Variants in STRBP observed in about 807,000 individuals in gnomAD.
The protein encoded by STRBP is spermatid perinuclear RNA binding protein, also known as spermatid perinuclear RNA-binding protein.
A neutral mutation model predicts 80.1 loss-of-function variants in STRBP; 13 were observed. The observed-to-expected ratio is 0.16, with a 90% CI of 0.11 to 0.26. STRBP has a LOEUF of 0.26. Among genes scored for constraint, STRBP ranks in the 10% least tolerant of loss-of-function variants. The probability of loss-of-function intolerance (pLI) is 1.00; values close to 1 mark genes in which losing one functional copy is unlikely to be tolerated. For synonymous variants in STRBP, 284 were observed against 291.2 expected, an observed-to-expected ratio of 0.98 and a Z score of 0.25; for missense variants, 485 against 815.2, an observed-to-expected ratio of 0.59 and a Z score of 4.93.
intron 1 of STRBP, among the ~76,000 whole-genome samples, chr9:123,251,083 G>A (rs1470648464): frequency 3.9e-5 from 6 of 152,160 alleles, no homozygotes; most frequent in Admixed American, 2.0e-4. Context: ...AGCCATGATC[G>A]TACCACTGCA....
intron 2 of STRBP, among the ~76,000 whole-genome samples, chr9:123,231,943 C>G (rs919529360): frequency 2.6e-5 from 4 of 152,184 alleles, no homozygotes; most frequent in African/African-American, 9.7e-5. Context: ...ATGCCATTTC[C>G]TATCTTTCTC....
intron 2 of STRBP, among the ~76,000 whole-genome samples, chr9:123,215,059 ATTTC>A (rs1281462386): frequency 1.3e-5 from 2 of 150,952 alleles, no homozygotes; most frequent in East Asian, 1.9e-4. Flanking sequence ...CCAAAGCCCA[ATTTC>A]TTTCTTTTTT....
chr9:123,233,217 C>T (rs954158633), intron 2 of STRBP, among the ~76,000 whole-genome samples: 6 of 152,046 alleles, frequency 3.9e-5, no homozygotes, highest in African/African-American at 1.5e-4. Context: ...GGACTACAGG[C>T]GCATACCACC....
intron 1 of STRBP, among the ~76,000 whole-genome samples, chr9:123,260,797 T>C (rs1049277202): frequency 6.6e-6 from 1 of 152,220 alleles, no homozygotes. Flanking sequence ...GTGAAGCTGA[T>C]TGATGGCTAT....
At chr9:123,141,507 T>C (rs781576107) in intron 13 of STRBP, among the ~76,000 whole-genome samples, 2 of 152,146 alleles carry the variant, frequency 1.3e-5, no homozygotes, top group Non-Finnish European at 2.9e-5. Flanking sequence ...AGAAATCTCA[T>C]CTCCAAGAAC....
Position 123,110,968 on chromosome 9 carries a change from C to A in STRBP, c.*85-1215G>T, listed in dbSNP as rs1190197503. On this transcript the variant is annotated intron_variant and NMD_transcript_variant, in intron 3 of 3. Transcript: ENST00000471564. This position sits in a 1 kb window ranked among gnomAD's most constrained non-coding sequence, Gnocchi z 4.1. ...TGAACAGAACCTGCTTGTGCAAGGC[C>A]GGCCTGACCATGAAAAGTGATCGGG... 1 of 168,198 alleles carries A rather than the reference C, an allele frequency of 5.9e-6. No individual in the cohort carries two copies. The highest frequency in any genetic ancestry group is 2.4e-5 in the African/African-American group (1 of 41,480). The allele number at this position is 168,198 out of a possible 1,614,324, so 10.4% of individuals were successfully genotyped here.
At chr9:123,237,337 C>G (rs1237639253) in intron 1 of STRBP, among the ~76,000 whole-genome samples, 3 of 152,074 alleles carry the variant, frequency 2.0e-5, no homozygotes, top group Admixed American at 2.0e-4. Context: ...CATTCTGTAA[C>G]TGAAAATGCA....
chr9:123,241,378 G>A (rs781347505), intron 1 of STRBP, among the ~76,000 whole-genome samples: 22 of 151,246 alleles, frequency 1.5e-4, no homozygotes, highest in Non-Finnish European at 2.5e-4. Context: ...GTGGTGGTGC[G>A]CACGCCTACG....
intron 1 of STRBP, among the ~76,000 whole-genome samples, chr9:123,250,699 T>C (rs1206401093): frequency 2.0e-5 from 3 of 152,204 alleles, no homozygotes; most frequent in Non-Finnish European, 2.9e-5. Flanking sequence ...TTTGCACTCA[T>C]TTTGCAATCA....
chr9:123,264,527 C>T (rs540526678), intron 1 of STRBP, among the ~76,000 whole-genome samples: 9 of 152,230 alleles, frequency 5.9e-5, no homozygotes, highest in Non-Finnish European at 1.3e-4. Context: ...TAACATCTAT[C>T]CCCGTATTTA....
downstream of STRBP, among the ~76,000 whole-genome samples, chr9:123,117,407 G>A (rs2035663232): frequency 6.6e-6 from 1 of 152,150 alleles, no homozygotes; most frequent in South Asian, 2.1e-4. Context: ...CCCAGGAGCT[G>A]GTAAAGTGGT....
chr9:123,133,012 A>G (rs1345969934), intron 16 of STRBP, 44 bp from the exon 17 acceptor site: 7 of 1,602,432 alleles, frequency 4.4e-6, no homozygotes, highest in Non-Finnish European at 6.0e-6. Context: ...AATAAGAACC[A>G]TTTTATTTCT....
intron 2 of STRBP, among the ~76,000 whole-genome samples, chr9:123,201,989 T>C (rs933700701): frequency 2.6e-5 from 4 of 152,250 alleles, no homozygotes; most frequent in African/African-American, 9.6e-5. Flanking sequence ...TTTATTATTA[T>C]ATAGTGACTA....
intron 3 of STRBP, among the ~76,000 whole-genome samples, chr9:123,182,352 T>C (rs2038514932): frequency 6.6e-6 from 1 of 151,534 alleles, no homozygotes; most frequent in East Asian, 1.9e-4. Flanking sequence ...TACTCATCAA[T>C]TAAATTATAT....
At chr9:123,147,236 T>G (rs929121381) in intron 12 of STRBP, among the ~76,000 whole-genome samples, 182 bp from the exon 13 acceptor site, 7 of 152,194 alleles carry the variant, frequency 4.6e-5, no homozygotes, top group Admixed American at 3.9e-4. Flanking sequence ...CTATAAAAAT[T>G]GTATGCATTA....
At chr9:123,211,233 T>C (rs1305030714) in intron 2 of STRBP, among the ~76,000 whole-genome samples, 2 of 152,250 alleles carry the variant, frequency 1.3e-5, no homozygotes, top group African/African-American at 4.8e-5. Context: ...TGCAACATTA[T>C]GAATAAATTT....
At chr9:123,215,406 C>G (rs987047470) in intron 2 of STRBP, among the ~76,000 whole-genome samples, 1 of 152,202 alleles carries the variant, frequency 6.6e-6, no homozygotes. Flanking sequence ...CCACTCTGAT[C>G]TTAATTCTTA....
intron 2 of STRBP, among the ~76,000 whole-genome samples, chr9:123,219,727 G>A (rs2040010506): frequency 6.6e-6 from 1 of 152,138 alleles, no homozygotes; most frequent in Non-Finnish European, 1.5e-5. Flanking sequence ...CTATTTTCTA[G>A]CTGTGTGAAA....
At chr9:123,173,539 G>T in intron 5 of STRBP, 138 bp downstream of exon 5, 1 of 814,218 alleles carries the variant, frequency 1.2e-6, no homozygotes, top group Non-Finnish European at 1.8e-6. Context: ...ATTAGTCATT[G>T]ACCCAGAGTA....
Sources: allele counts gnomAD v4.1 joint callset (sites outside exome capture counted in the v4.1 genomes callset), GRCh38; gene constraint gnomAD v4.1.1; non-coding constraint Gnocchi (gnomAD v3.1); transcripts MANE v1.5; gene names NCBI Gene and HGNC (gene_info 2026-07-23, HGNC 2026-07-21).